Variants in RNF213 observed in about 807,000 individuals in gnomAD.
RNF213 encodes the protein ring finger protein 213, also known as E3 ubiquitin-protein ligase RNF213.
RNF213 carries 341 observed loss-of-function variants against 514.4 expected under a neutral mutation model. That is an observed-to-expected ratio of 0.66 (90% CI 0.61 to 0.73). RNF213 has a LOEUF of 0.73. Ranked by LOEUF, RNF213 falls within the 30% of genes least tolerant of loss-of-function variation. The pLI, the probability that RNF213 is intolerant of heterozygous loss-of-function variation, is 0.00. For missense variants in RNF213, 5,767 were observed against 6,615.6 expected (o/e 0.87, Z 4.45); for synonymous variants, 2,655 against 2,658.2 (o/e 1.00, Z 0.04).
At chr17:80,391,956 A>T (rs961859480) in intron 67 of RNF213, among the ~76,000 whole-genome samples, 2 of 151,478 alleles carry the variant, frequency 1.3e-5, no homozygotes, top group African/African-American at 4.9e-5. Context: ...TTTAGTAGAG[A>T]CGGGTTTCAC....
At chr17:80,300,739 A>G (rs2045147531) in intron 11 of RNF213, among the ~76,000 whole-genome samples, 1 of 151,390 alleles carries the variant, frequency 6.6e-6, no homozygotes, top group African/African-American at 2.4e-5. Flanking sequence ...TTTAGTAGAG[A>G]TGGGGTTTCA....
intron 1 of RNF213, among the ~76,000 whole-genome samples, chr17:80,262,546 C>G (rs898247422): frequency 2.0e-5 from 3 of 152,162 alleles, no homozygotes; most frequent in African/African-American, 7.2e-5. Flanking sequence ...TCCTAGATCC[C>G]TCTAGGCAGA....
chr17:80,310,509 TC>T (rs1468292463), intron 14 of RNF213, among the ~76,000 whole-genome samples: 1 of 151,786 alleles, frequency 6.6e-6, no homozygotes, highest in Admixed American at 6.6e-5. Context: ...TGCCTTGGCC[TC>T]CCAGAGTGCT....
chr17:80,269,370 C>CTAT (rs2043724385), intron 2 of RNF213, among the ~76,000 whole-genome samples: 1 of 151,720 alleles, frequency 6.6e-6, no homozygotes, highest in African/African-American at 2.4e-5. Flanking sequence ...GTCCACCTAC[C>CTAT]CTATCTATCT....
intron 10 of RNF213, among the ~76,000 whole-genome samples, chr17:80,297,404 T>C (rs1377904520): frequency 4.3e-5 from 6 of 138,606 alleles, no homozygotes; most frequent in East Asian, 4.5e-4. Context: ...GAGCCGAGAT[T>C]GTGCCACTGC....
At chr17:80,311,285 G>T (rs1458021962) in intron 14 of RNF213, among the ~76,000 whole-genome samples, 1 of 152,212 alleles carries the variant, frequency 6.6e-6, no homozygotes, top group Non-Finnish European at 1.5e-5. Context: ...GGTGTCTGCT[G>T]CTGTGAAGGC....
At position 80,352,608 on chromosome 17, in the gene RNF213, C is replaced by T. The variant is rs187252835; in HGVS notation, c.10304-332C>T. 2.2e-5 allele frequency: 13 copies of T among 583,270 alleles called. No individual in the cohort carries two copies. The Admixed American group carries it at 3.0e-4, about 13-fold the overall frequency. 36.1% of individuals were successfully genotyped at this position (583,270 alleles called of 1,614,324 possible). A position where few individuals can be genotyped will look rare whatever the true frequency, so the allele number is the denominator to read the frequency against. On this transcript the variant is annotated intron_variant, in intron 32 of 67. Coordinates refer to ENST00000582970, the MANE Select transcript of RNF213 (RefSeq NM_001256071.3). ...TGGAAGGCAGACCTTGCCAGTGTCC[C>T]CCACCCCTCACTAACTGTGATACAG...
At chr17:80,311,142 G>A (rs903282761) in intron 14 of RNF213, among the ~76,000 whole-genome samples, 1 of 152,196 alleles carries the variant, frequency 6.6e-6, no homozygotes. Context: ...TGGGATCTCA[G>A]ATAAGTTTAA....
Position 80,397,845 on chromosome 17 carries a change from G to C in RNF213, c.*4347G>C, listed in dbSNP as rs2080694190. 6.7e-6 allele frequency: 1 copy of C among 149,596 alleles called. No homozygotes were observed. The highest frequency in any genetic ancestry group is 1.5e-5 in the Non-Finnish European group (1 of 67,716). The allele number at this position is 149,596 out of a possible 1,614,324, so 9.3% of individuals were successfully genotyped here. A position where few individuals can be genotyped will look rare whatever the true frequency, so the allele number is the denominator to read the frequency against. On this transcript the variant is annotated 3_prime_UTR_variant, in exon 68 of 68. Coordinates refer to ENST00000582970, the MANE Select transcript of RNF213 (RefSeq NM_001256071.3). ...GATGGTTGAGGCAGCCCCTCAGACG[G>C]CTTAGGCCTGCCCTGTGGAGCATCC...
chr17:80,340,043 C>T lies in RNF213; in HGVS notation c.5676C>T (p.Tyr1892=), dbSNP rs1274960938. 4 of 1,555,394 alleles carry T rather than the reference C, an allele frequency of 2.6e-6. No homozygotes were observed. The highest frequency in any genetic ancestry group is 4.8e-5 in the East Asian group (2 of 41,600). ...LTLGSLGHKV[Y]SLLFADQLSY... ...TGGGCTCCCTGGGGCACAAGGTCTA[C>T]AGCCTGCTGTTCGCAGATCAGCTGA... The change falls in exon 26 of 68, where the codon TAC becomes TAT. Residue 1892 remains tyrosine (Y), a synonymous_variant. Transcript: ENST00000582970.
intron 59 of RNF213, chr17:80,384,734 C>T: frequency 2.4e-6 from 1 of 424,330 alleles, no homozygotes; most frequent in East Asian, 5.3e-5. Flanking sequence ...CTCTCCGTAC[C>T]CAGCCAGTTA....
Position 80,287,967 on chromosome 17 carries a change from C to T in RNF213, c.414C>T (p.Ala138=), listed in dbSNP as rs1278315632. The T allele has an allele frequency of 6.4e-7, 1 of 1,574,372 alleles. No individual in the cohort carries two copies. Among genetic ancestry groups the T allele is most frequent in the African/African-American group, 1.4e-5 (1 of 74,062 alleles). Residue 138 remains alanine, a synonymous_variant, in exon 4 of 68, where the codon GCC becomes GCT. Coordinates refer to ENST00000582970, the MANE Select transcript of RNF213 (RefSeq NM_001256071.3). ...PQDTALPHSQ[A]QQSGPTGQPS... is the part of the protein sequence containing the mutation. ...ACACAGCCCTGCCCCACAGCCAAGCCCAGCAGAGTGGCCCCACTGGCCAGC... is the reference window on the plus strand; with the variant it reads ...ACACAGCCCTGCCCCACAGCCAAGCTCAGCAGAGTGGCCCCACTGGCCAGC...
intron 8 of RNF213, among the ~76,000 whole-genome samples, chr17:80,292,896 T>A (rs569502688): frequency 7.9e-5 from 12 of 152,182 alleles, no homozygotes; most frequent in African/African-American, 2.9e-4. Context: ...CCCCCTGGTG[T>A]CCGGTGTCTT....
intron 46 of RNF213, among the ~76,000 whole-genome samples, chr17:80,370,288 T>C (rs1200276306): frequency 1.3e-5 from 2 of 152,184 alleles, no homozygotes; most frequent in South Asian, 4.1e-4. Context: ...TCTATTTCCT[T>C]GGAAAGGATG....
Position 80,325,034 on chromosome 17 carries a change from A to T in RNF213, c.3029A>T (p.Gln1010Leu). The change falls in exon 18 of 68, where the codon CAG becomes CTG. Residue 1010 changes from glutamine to leucine, a missense_variant. This residue lies in a region of RNF213 where 516 missense variants were observed against 566.5 expected (regional missense o/e 0.91). Transcript: ENST00000582970. ...CTTTTATTAATTTTCTTGTAGTCTC[A>T]GACCAGTATCCTTCAGGGGTTCTCT... The part of the protein sequence containing the change: ...IEAVSSACQS[Q>L]TSILQGFSYS... 2.6e-6 allele frequency: 4 copies of T among 1,537,114 alleles called. No individual in the cohort carries two copies. The highest frequency in any genetic ancestry group is 3.5e-6 in the Non-Finnish European group (4 of 1,146,830).
Position 80,353,362 on chromosome 17 carries a change from C to G in RNF213, c.10424-150C>G. The G allele has an allele frequency of 1.1e-6, 1 of 945,532 alleles. No individual in the cohort carries two copies. Among genetic ancestry groups the G allele is most frequent in the Non-Finnish European group, 1.6e-6 (1 of 608,258 alleles). 58.6% of individuals were successfully genotyped at this position (945,532 alleles called of 1,614,324 possible). A position where few individuals can be genotyped will look rare whatever the true frequency, so the allele number is the denominator to read the frequency against. ...TGCCTTGGGGGCTGATCTTCATGAC[C>G]GTGATCTCTCATCTGGGGACCTAGC... On this transcript the variant is annotated intron_variant, in intron 33 of 67. Transcript: ENST00000582970. The surrounding 1 kb of genome is among the most constrained non-coding windows in gnomAD (Gnocchi z 5.0).
Position 80,344,878 on chromosome 17 carries a change from C to T in RNF213, c.6543C>T (p.Asp2181=), listed in dbSNP as rs2078259109. ...LRRFNQNQDL[D]TFQYQEGSVE... ...GATTCAATCAAAACCAAGACCTAGA[C>T]ACGTTTCAGTATCAAGAAGGCTCTG... The change falls in exon 29 of 68, where the codon GAC becomes GAT. Residue 2181 remains aspartate (D), a synonymous_variant. Coordinates refer to ENST00000582970, the MANE Select transcript of RNF213 (RefSeq NM_001256071.3). 6.2e-7 allele frequency: 1 copy of T among 1,614,186 alleles called. No individual in the cohort carries two copies. The highest frequency in any genetic ancestry group is 8.5e-7 in the Non-Finnish European group (1 of 1,180,032).
At chr17:80,296,443 G>C (rs2044950798) in intron 10 of RNF213, among the ~76,000 whole-genome samples, 6 of 152,196 alleles carry the variant, frequency 3.9e-5, no homozygotes, top group Admixed American at 3.9e-4. Flanking sequence ...CAGAAGCAGC[G>C]TGAATGTTCT....
At position 80,263,539 on chromosome 17, in the gene RNF213, G is replaced by C. The variant is rs1450445989; in HGVS notation, c.-108-35G>C. The C allele has an allele frequency of 4.1e-6, 3 of 737,706 alleles. No homozygotes were observed. In the East Asian group the frequency reaches 8.0e-5, roughly 20 times the overall value. 45.7% of individuals were successfully genotyped at this position (737,706 alleles called of 1,614,324 possible). On this transcript the variant is annotated intron_variant, in intron 1 of 67. Coordinates refer to ENST00000582970, the MANE Select transcript of RNF213 (RefSeq NM_001256071.3). The surrounding 1 kb of genome is among the most constrained non-coding windows in gnomAD (Gnocchi z 4.9). Reference sequence around the variant, plus strand: ...TCCTGTTGGGTTTCCATTAACCAGGGGACCAGCTGGGCTGCTGTGATTTCA... The same window carrying C: ...TCCTGTTGGGTTTCCATTAACCAGGCGACCAGCTGGGCTGCTGTGATTTCA...
Sources: gnomAD v4.1 joint callset for allele counts (sites outside exome capture counted in the v4.1 genomes callset) on GRCh38, gnomAD v4.1.1 for gene constraint, gnomAD v4.1.1 regional missense constraint, Gnocchi (gnomAD v3.1) non-coding constraint, MANE v1.5 for transcripts, NCBI Gene and HGNC (gene_info 2026-07-23, HGNC 2026-07-21) for gene names.